The following GALM variants were observed in gnomAD, a reference collection of about 807,000 sequenced individuals.
GALM encodes the protein galactose mutarotase, also known as aldose 1-epimerase.
Under a neutral mutation model 37.4 loss-of-function variants are expected in GALM, and 43 were observed. That is an observed-to-expected ratio of 1.15 (90% CI 0.90 to 1.48). The LOEUF (loss-of-function observed/expected upper bound fraction) is 1.48, where lower values mean the gene tolerates loss of function less well. Ranked by LOEUF, GALM falls within the 40% of genes most tolerant of loss-of-function variation. The pLI is 0.00. For synonymous variants in GALM, 199 were observed against 170.6 expected (o/e 1.17, Z -1.30); for missense variants, 456 against 419.1 (o/e 1.09, Z -0.77).
At chr2:38,678,181 T>C (rs1665307678) in intron 2 of GALM, among the ~76,000 whole-genome samples, 1 of 152,082 alleles carries the variant, frequency 6.6e-6, no homozygotes, top group Non-Finnish European at 1.5e-5. Context: ...CATGCCTGGC[T>C]AATTTTGTAT....
intron 1 of GALM, among the ~76,000 whole-genome samples, chr2:38,667,678 G>T (rs568086515): frequency 7.1e-6 from 1 of 140,064 alleles, no homozygotes; most frequent in South Asian, 2.3e-4. Flanking sequence ...TAGAGATGGG[G>T]TTTCACCATG....
At chr2:38,696,007 T>A (rs1665796786) in intron 4 of GALM, among the ~76,000 whole-genome samples, 1 of 151,518 alleles carries the variant, frequency 6.6e-6, no homozygotes, top group South Asian at 2.1e-4. Context: ...CCTGCGTGTT[T>A]GTTTTTTAAA....
chr2:38,714,547 GC>G (rs1666232581), intron 4 of GALM, among the ~76,000 whole-genome samples: 2 of 152,110 alleles, frequency 1.3e-5, no homozygotes. Context: ...AACCCACTTG[GC>G]TCTCAAGCAG....
chr2:38,696,433 CTTTT>C (rs35556554), intron 4 of GALM, among the ~76,000 whole-genome samples: 4 of 136,530 alleles, frequency 2.9e-5, no homozygotes, highest in Admixed American at 7.4e-5. Flanking sequence ...TTTTTCTTTT[CTTTT>C]TTTTTTTTTT....
intron 4 of GALM, among the ~76,000 whole-genome samples, chr2:38,716,386 A>G (rs895050741): frequency 6.6e-6 from 1 of 152,232 alleles, no homozygotes; most frequent in African/African-American, 2.4e-5. Flanking sequence ...TTGAGCAAAC[A>G]CTTGAGGTTA....
intron 4 of GALM, among the ~76,000 whole-genome samples, chr2:38,703,653 G>C (rs1314391897): frequency 6.6e-6 from 1 of 152,016 alleles, no homozygotes; most frequent in Admixed American, 6.6e-5. Context: ...TTCTTAACTA[G>C]GGTTCTTGTA....
chr2:38,733,095 C>T (rs1465832431), intron 6 of GALM, among the ~76,000 whole-genome samples: 4 of 151,690 alleles, frequency 2.6e-5, no homozygotes, highest in Non-Finnish European at 5.9e-5. Flanking sequence ...GTGGCAGGTG[C>T]CTGTGATCCC....
Position 38,718,327 on chromosome 2 carries a change from G to A in GALM, c.635-11229G>A, listed in dbSNP as rs188068900. Among the ~76,000 whole-genome samples, 36 of 150,874 alleles carry A rather than the reference G, an allele frequency of 2.4e-4. 1 individual carries two copies. In the East Asian group the frequency reaches 7.2e-3, roughly 30 times the overall value. On this transcript the variant is annotated intron_variant, in intron 4 of 6. Coordinates refer to ENST00000272252, the MANE Select transcript of GALM (RefSeq NM_138801.3). ...TGATTCTCCTGCCTCAGCCTCCCAA[G>A]TAGCTGGGATTACAAGTGCCACCAC...
chr2:38,671,425 T>G (rs1019909683), intron 1 of GALM: 5 of 152,116 alleles, frequency 3.3e-5, no homozygotes, highest in Non-Finnish European at 7.3e-5. Flanking sequence ...GCTAGACAGA[T>G]CTTACACGGC....
chr2:38,691,862 G>A (rs1223792151), intron 4 of GALM, among the ~76,000 whole-genome samples: 2 of 151,630 alleles, frequency 1.3e-5, no homozygotes, highest in Admixed American at 1.3e-4. Flanking sequence ...AATTTATGTA[G>A]CTTTTTAAAA....
rs140271694 is a variant in GALM at position 38,733,500 on chromosome 2, C to T, written c.964C>T (p.Pro322Ser). The T allele has an allele frequency of 1.9e-6, 3 of 1,613,934 alleles. No individual in the cohort carries two copies. Among genetic ancestry groups the T allele is most frequent in the Non-Finnish European group, 1.7e-6 (2 of 1,179,840 alleles). The change falls in exon 7 of 7, where the codon CCT becomes TCT. Residue 322 changes from proline (P) to serine (S), a missense_variant. Transcript: ENST00000272252. ...PDAVNQPRFP[P>S]VLLRPGEEYD... The stretch of plus-strand genomic sequence containing the variant: ...TTCCCCTTCACAGCCCCGCTTCCCT[C>T]CTGTGCTGCTGAGGCCTGGTGAGGA...
At chr2:38,685,818 A>G (rs1042110600) in intron 3 of GALM, among the ~76,000 whole-genome samples, 2 of 151,698 alleles carry the variant, frequency 1.3e-5, no homozygotes, top group Non-Finnish European at 2.9e-5. Flanking sequence ...CCCAAGTTCC[A>G]GGGATTCTCC....
chr2:38,729,907 C>T (rs1313365722), intron 5 of GALM, among the ~76,000 whole-genome samples: 1 of 152,142 alleles, frequency 6.6e-6, no homozygotes, highest in Non-Finnish European at 1.5e-5. Flanking sequence ...CCCTATTCCC[C>T]CTGCTTGGCA....
intron 4 of GALM, among the ~76,000 whole-genome samples, chr2:38,693,085 A>G (rs1422193089): frequency 3.9e-5 from 6 of 152,214 alleles, no homozygotes; most frequent in Admixed American, 3.9e-4. Flanking sequence ...GCCGATCCAC[A>G]TAGCTGACTC....
At position 38,681,310 on chromosome 2, in the gene GALM, G is replaced by A; in HGVS notation, c.376G>A (p.Gly126Ser). The A allele has an allele frequency of 6.2e-7, 1 of 1,613,642 alleles. No homozygotes were observed. The highest frequency in any genetic ancestry group is 8.5e-7 in the Non-Finnish European group (1 of 1,180,028). Reference sequence around the variant, plus strand: ...CTGGACCCCTCGGGTGCTGTCAAATGGCGTCCAGTTCTCGCGCATCAGTCC... The same window carrying A: ...CTGGACCCCTCGGGTGCTGTCAAATAGCGTCCAGTTCTCGCGCATCAGTCC... ...VLWTPRVLSN[G>S]VQFSRISPDG... The change falls in exon 3 of 7, where the codon GGC becomes AGC. Residue 126 changes from glycine (G) to serine (S), a missense_variant. Coordinates refer to ENST00000272252, the MANE Select transcript of GALM (RefSeq NM_138801.3).
At chr2:38,732,047 T>A in intron 6 of GALM, 138 bp downstream of exon 6, 1 of 791,944 alleles carries the variant, frequency 1.3e-6, no homozygotes, top group Non-Finnish European at 2.0e-6. Flanking sequence ...TGAGACAGAG[T>A]CTCACTCTTG....
chr2:38,704,446 G>A (rs1001062257), intron 4 of GALM, among the ~76,000 whole-genome samples: 2 of 152,016 alleles, frequency 1.3e-5, no homozygotes, highest in African/African-American at 4.8e-5. Flanking sequence ...AAGGCGGGAG[G>A]ATTGATTGGG....
At chr2:38,703,893 T>C (rs887601418) in intron 4 of GALM, among the ~76,000 whole-genome samples, 1 of 152,004 alleles carries the variant, frequency 6.6e-6, no homozygotes, top group Non-Finnish European at 1.5e-5. Context: ...CATGTGCCTA[T>C]AGTCCCGGCT....
intron 4 of GALM, among the ~76,000 whole-genome samples, chr2:38,726,981 C>A (rs1014554082): frequency 2.6e-5 from 4 of 151,754 alleles, no homozygotes; most frequent in African/African-American, 9.7e-5. Flanking sequence ...TTTGGGAGGC[C>A]AAGGTGGGTG....
Sources: gnomAD v4.1 joint callset for allele counts (sites outside exome capture counted in the v4.1 genomes callset) on GRCh38, gnomAD v4.1.1 for gene constraint, MANE v1.5 for transcripts, NCBI Gene and HGNC (gene_info 2026-07-23, HGNC 2026-07-21) for gene names.